Variants in FTCDNL1 observed in about 807,000 individuals in gnomAD.
FTCDNL1 encodes the protein formiminotransferase N-terminal subdomain-containing protein.
FTCDNL1 carries 11 observed loss-of-function variants against 5.9 expected under a neutral mutation model. The observed-to-expected ratio is 1.87, with a 90% CI of 1.18 to 3.10. The LOEUF is 3.10. FTCDNL1 is among the 30% of genes most tolerant of loss of function. FTCDNL1 has a pLI of 0.00. For synonymous variants in FTCDNL1, 58 were observed against 24.8 expected, an observed-to-expected ratio of 2.34 and a Z score of -3.99; for missense variants, 115 against 65.5, an observed-to-expected ratio of 1.76 and a Z score of -2.61.
chr2:199,754,014 C>A, the FTCDNL1 span, among the ~76,000 whole-genome samples: 1 of 152,152 alleles, frequency 6.6e-6, no homozygotes, highest in Admixed American at 6.5e-5. Context: ...ACTCCCTGGG[C>A]CTTTATCTAG....
the FTCDNL1 span, among the ~76,000 whole-genome samples, chr2:199,694,800 C>T: frequency 6.6e-6 from 1 of 152,190 alleles, no homozygotes; most frequent in South Asian, 2.1e-4. Context: ...CACCACTACA[C>T]TCCAGCCTGG....
At chr2:199,772,810 G>A (rs766161865) in intron 3 of FTCDNL1, among the ~76,000 whole-genome samples, 3 of 152,226 alleles carry the variant, frequency 2.0e-5, no homozygotes, top group East Asian at 1.9e-4. Context: ...CCATGTGAAC[G>A]TAAACCACTT....
the FTCDNL1 span, among the ~76,000 whole-genome samples, chr2:199,752,144 A>G: frequency 6.6e-6 from 1 of 151,844 alleles, no homozygotes; most frequent in South Asian, 2.1e-4. Flanking sequence ...ATTCCTTCTC[A>G]CCTGTCTCCT....
the FTCDNL1 span, among the ~76,000 whole-genome samples, chr2:199,670,534 T>A: frequency 6.6e-6 from 1 of 152,184 alleles, no homozygotes; most frequent in African/African-American, 2.4e-5. Flanking sequence ...TAATAAGGTC[T>A]TTCTCTCTTT....
At chr2:199,683,135 G>T in the FTCDNL1 span, among the ~76,000 whole-genome samples, 2 of 152,154 alleles carry the variant, frequency 1.3e-5, no homozygotes, top group South Asian at 2.1e-4. Flanking sequence ...TTAAGCCTTA[G>T]ATATGATGCA....
chr2:199,831,517 A>T (rs1483070141), intron 3 of FTCDNL1, among the ~76,000 whole-genome samples: 2 of 152,244 alleles, frequency 1.3e-5, no homozygotes, highest in African/African-American at 4.8e-5. Flanking sequence ...ATGTAATACC[A>T]TGGATATATT....
the FTCDNL1 span, among the ~76,000 whole-genome samples, chr2:199,707,874 T>C: frequency 6.6e-6 from 1 of 152,094 alleles, no homozygotes; most frequent in African/African-American, 2.4e-5. Context: ...TTTAAAATTT[T>C]CTGTGTTTTG....
chr2:199,821,149 TTTTG>T (rs369470548), intron 3 of FTCDNL1, among the ~76,000 whole-genome samples: 36 of 152,118 alleles, frequency 2.4e-4, no homozygotes, highest in Admixed American at 3.3e-4. Flanking sequence ...TTTGGTGGTT[TTTTG>T]TTTGTTTGTT....
At chr2:199,677,359 T>A in the FTCDNL1 span, among the ~76,000 whole-genome samples, 2 of 152,204 alleles carry the variant, frequency 1.3e-5, no homozygotes, top group African/African-American at 4.8e-5. Context: ...ATACTATTCA[T>A]TTAAATCTTT....
At chr2:199,670,619 C>A in the FTCDNL1 span, among the ~76,000 whole-genome samples, 2 of 152,234 alleles carry the variant, frequency 1.3e-5, no homozygotes, top group African/African-American at 4.8e-5. Context: ...TTTCCGCAAA[C>A]CACTTGTTCC....
chr2:199,758,816 T>A (rs1425077155), downstream of FTCDNL1, among the ~76,000 whole-genome samples: 1 of 152,146 alleles, frequency 6.6e-6, no homozygotes, highest in Non-Finnish European at 1.5e-5. Context: ...AACAAGCCCC[T>A]CAGGGGATTC....
At chr2:199,722,904 T>A in the FTCDNL1 span, among the ~76,000 whole-genome samples, 1 of 152,296 alleles carries the variant, frequency 6.6e-6, no homozygotes, top group East Asian at 1.9e-4. Context: ...GGGAGCTCAT[T>A]CATGATTTGG....
chr2:199,725,305 C>T, the FTCDNL1 span, among the ~76,000 whole-genome samples: 3 of 152,166 alleles, frequency 2.0e-5, no homozygotes, highest in African/African-American at 4.8e-5. Context: ...CTCTTGAATA[C>T]AGTACACCAA....
intron 3 of FTCDNL1, among the ~76,000 whole-genome samples, chr2:199,824,099 C>G (rs1443518634): frequency 2.6e-5 from 4 of 152,184 alleles, no homozygotes; most frequent in Non-Finnish European, 2.9e-5. Context: ...ACAGGAATGG[C>G]CACCATGGCC....
chr2:199,820,088 T>G (rs1233898773), intron 3 of FTCDNL1, among the ~76,000 whole-genome samples: 1 of 152,224 alleles, frequency 6.6e-6, no homozygotes, highest in Admixed American at 6.5e-5. Flanking sequence ...GAAATGTATA[T>G]GTAGGATTAA....
chr2:199,835,181 A>G (rs966044684), intron 3 of FTCDNL1, among the ~76,000 whole-genome samples: 1 of 152,194 alleles, frequency 6.6e-6, no homozygotes, highest in Non-Finnish European at 1.5e-5. Flanking sequence ...TGTCTCTAAA[A>G]TAAATAAATA....
chr2:199,723,795 A>T, the FTCDNL1 span, among the ~76,000 whole-genome samples: 1 of 152,132 alleles, frequency 6.6e-6, no homozygotes, highest in Non-Finnish European at 1.5e-5. Flanking sequence ...CCAGTATTTT[A>T]CTAAGGATTT....
chr2:199,718,484 T>C, the FTCDNL1 span, among the ~76,000 whole-genome samples: 1 of 152,232 alleles, frequency 6.6e-6, no homozygotes, highest in East Asian at 1.9e-4. Context: ...ATGTCTTCAC[T>C]CTTGTAAATA....
chr2:199,676,505 G>T, the FTCDNL1 span, among the ~76,000 whole-genome samples: 99,632 of 151,600 alleles, frequency 0.66, 36,135 homozygotes, highest in South Asian at 0.9. Context: ...AATCAATACA[G>T]TTTAATCCCC....
Sources: allele counts gnomAD v4.1 joint callset (sites outside exome capture counted in the v4.1 genomes callset), GRCh38; gene constraint gnomAD v4.1.1; transcripts MANE v1.5; gene names NCBI Gene and HGNC (gene_info 2026-07-23, HGNC 2026-07-21).